The following ADGRB3 variants were observed in gnomAD, a reference collection of about 807,000 sequenced individuals.
The protein encoded by ADGRB3 is adhesion G protein-coupled receptor B3.
Under a neutral mutation model 193.4 loss-of-function variants are expected in ADGRB3, and 37 were observed. The ratio of observed to expected loss-of-function variants is 0.19; its 90% CI spans 0.15 to 0.25. The LOEUF is 0.25. ADGRB3 is among the 10% of genes least tolerant of loss of function. ADGRB3 has a pLI of 1.00. For synonymous variants in ADGRB3, 690 were observed against 644.2 expected, an observed-to-expected ratio of 1.07 and a Z score of -1.08; for missense variants, 1,637 against 1,852.9, an observed-to-expected ratio of 0.88 and a Z score of 2.14.
intron 20 of ADGRB3, among the ~76,000 whole-genome samples, chr6:69,244,957 C>T (rs1338338977): frequency 6.6e-6 from 1 of 151,984 alleles, no homozygotes; most frequent in Non-Finnish European, 1.5e-5. Flanking sequence ...TTCATACCTT[C>T]ATATTTCCTC....
At chr6:68,858,371 G>C (rs1765046649) in intron 3 of ADGRB3, among the ~76,000 whole-genome samples, 1 of 151,904 alleles carries the variant, frequency 6.6e-6, no homozygotes, top group African/African-American at 2.4e-5. Flanking sequence ...AGGTGTGGTG[G>C]TGTGTGCCTG....
chr6:68,927,040 G>A (rs951782982), intron 3 of ADGRB3, among the ~76,000 whole-genome samples: 6 of 152,050 alleles, frequency 3.9e-5, no homozygotes, highest in African/African-American at 1.2e-4. Flanking sequence ...CCTAAACATG[G>A]CAGTCATCTC....
At chr6:68,932,901 A>C (rs1292377124) in intron 4 of ADGRB3, among the ~76,000 whole-genome samples, 3 of 87,534 alleles carry the variant, frequency 3.4e-5, no homozygotes, top group Non-Finnish European at 9.6e-5. Context: ...AAAATGAGTA[A>C]ACTGGCCTCT....
At chr6:69,109,333 G>T (rs1773302938) in intron 17 of ADGRB3, among the ~76,000 whole-genome samples, 1 of 152,122 alleles carries the variant, frequency 6.6e-6, no homozygotes, top group South Asian at 2.1e-4. Flanking sequence ...AAAATCAGTT[G>T]TCCTGGGGCA....
intron 13 of ADGRB3, among the ~76,000 whole-genome samples, chr6:69,021,823 C>A (rs922974217): frequency 6.6e-6 from 1 of 151,882 alleles, no homozygotes; most frequent in African/African-American, 2.4e-5. Flanking sequence ...TCTATATTGG[C>A]TTTTGATAAA....
intron 3 of ADGRB3, among the ~76,000 whole-genome samples, chr6:68,911,419 T>TA (rs61466569): frequency 0.37 from 55,052 of 148,644 alleles, 10,615 homozygotes; most frequent in African/African-American, 0.51. Context: ...AAGTATAATT[T>TA]AAAAAAAAAA....
chr6:68,915,640 A>G (rs184190410), intron 3 of ADGRB3, among the ~76,000 whole-genome samples: 89 of 152,296 alleles, frequency 5.8e-4, no homozygotes, highest in African/African-American at 2.1e-3. Context: ...AAAGCAATCC[A>G]ACTATAGAAA....
chr6:69,088,289 TA>T lies in ADGRB3; in HGVS notation c.2480+12259del, dbSNP rs536048186. Among the ~76,000 whole-genome samples, 513 of 152,178 alleles carry T rather than the reference TA, an allele frequency of 3.4e-3. 5 individuals carry two copies. Among genetic ancestry groups the T allele is most frequent in the African/African-American group, 0.012 (483 of 41,512 alleles). ...TCAAGTTTTATGTATCAATATACGT[TA>T]AAAAAAACACAATTTCTGAGTTGAT... On this transcript the variant is annotated intron_variant, in intron 17 of 31. Coordinates refer to ENST00000370598, the MANE Select transcript of ADGRB3 (RefSeq NM_001704.3).
rs1582632640 is a variant in ADGRB3, at chr6:69,324,531, C to G, written c.2815-341C>G. ...AACTAATTATGCAAGATGTCTGTAACAAATTAAATCAAAGAAAAGAGAATT... is the reference window on the plus strand; with the variant it reads ...AACTAATTATGCAAGATGTCTGTAAGAAATTAAATCAAAGAAAAGAGAATT... On this transcript the variant is annotated intron_variant, in intron 20 of 31. Coordinates refer to ENST00000370598, the MANE Select transcript of ADGRB3 (RefSeq NM_001704.3). 2.0e-5 allele frequency among the ~76,000 whole-genome samples: 3 copies of G among 152,074 alleles called. No homozygotes were observed. In the East Asian group the frequency reaches 5.8e-4, roughly 29 times the overall value.
rs935327617 is a variant in ADGRB3 at position 68,814,720 on chromosome 6, C to T, written c.758-115839C>T. Among the ~76,000 whole-genome samples, 10 of 151,964 alleles carry T rather than the reference C, an allele frequency of 6.6e-5. No homozygotes were observed. In the East Asian group the frequency reaches 9.7e-4, roughly 15 times the overall value. ...TTAGACCAATATCCCTGATGAACAT[C>T]GATGCAAAAATCCTTAATAAAATAC... On this transcript the variant is annotated intron_variant, in intron 3 of 31. Transcript: ENST00000370598.
At chr6:69,332,330 C>T (rs1582637855) in intron 23 of ADGRB3, 1 of 985,346 alleles carries the variant, frequency 1.0e-6, no homozygotes, top group South Asian at 4.7e-5. Context: ...TAAAAATTGG[C>T]ACTAGTGTCC....
rs138745567 is a variant in ADGRB3 at position 68,731,127 on chromosome 6, T to A, written c.757+91695T>A. On this transcript the variant is annotated intron_variant, in intron 3 of 31. Transcript: ENST00000370598. ...ATATATAAGTTCTTTCTTTCAACTA[T>A]ATTATAGGTTAAAGAAATTGAAGAA... 1.0e-3 allele frequency among the ~76,000 whole-genome samples: 151 copies of A among 151,706 alleles called. 4 individuals carry two copies. In the East Asian group the frequency reaches 0.024, roughly 24 times the overall value.
intron 20 of ADGRB3, among the ~76,000 whole-genome samples, chr6:69,297,396 CTCTCTCTCTCTCTCTATATA>C (rs1561980468): frequency 7.0e-6 from 1 of 142,940 alleles, no homozygotes; most frequent in Non-Finnish European, 1.5e-5. Context: ...CTCTCTATCT[CTCTCTCTCTCTCTCTATATA>C]TATATATATA....
chr6:68,867,852 C>T (rs990697448), intron 3 of ADGRB3, among the ~76,000 whole-genome samples: 3 of 152,172 alleles, frequency 2.0e-5, no homozygotes, highest in Non-Finnish European at 4.4e-5. Flanking sequence ...TGCTTTTGGC[C>T]AATTTCTCCC....
intron 16 of ADGRB3, among the ~76,000 whole-genome samples, chr6:69,069,794 GTCTTTTGCAGA>G (rs1772025586): frequency 6.7e-6 from 1 of 149,074 alleles, no homozygotes; most frequent in African/African-American, 2.5e-5. Flanking sequence ...ATATGAATTA[GTCTTTTGCAGA>G]TCCAGTTAGG....
chr6:68,785,210 G>T (rs772025664), intron 3 of ADGRB3, among the ~76,000 whole-genome samples: 5 of 151,964 alleles, frequency 3.3e-5, no homozygotes, highest in Admixed American at 2.6e-4. Flanking sequence ...CAACGTGCAG[G>T]TTTGTTACAT....
intron 17 of ADGRB3, among the ~76,000 whole-genome samples, chr6:69,174,814 A>G (rs1354028212): frequency 1.3e-5 from 2 of 152,198 alleles, no homozygotes; most frequent in Non-Finnish European, 2.9e-5. Flanking sequence ...CTGGCGTCAG[A>G]TGGTATCTCA....
intron 8 of ADGRB3, among the ~76,000 whole-genome samples, chr6:68,974,506 G>A (rs181833316): frequency 5.4e-4 from 82 of 152,210 alleles, no homozygotes; most frequent in Middle Eastern, 3.4e-3. Context: ...GGCAACACAC[G>A]TCTGTAGTCC....
At chr6:68,831,303 TAAAAAAAAAAA>T (rs60991980) in intron 3 of ADGRB3, among the ~76,000 whole-genome samples, 1 of 123,752 alleles carries the variant, frequency 8.1e-6, no homozygotes, top group African/African-American at 3.0e-5. Flanking sequence ...TGGAGAAGAT[TAAAAAAAAAAA>T]AAAAAAAAAA....
Sources: allele counts gnomAD v4.1 joint callset (sites outside exome capture counted in the v4.1 genomes callset), GRCh38; gene constraint gnomAD v4.1.1; transcripts MANE v1.5; gene names NCBI Gene and HGNC (gene_info 2026-07-23, HGNC 2026-07-21).